Variants in MAGI2 observed in about 807,000 individuals in gnomAD.
The protein encoded by MAGI2 is membrane-associated guanylate kinase, WW and PDZ domain-containing protein 2.
MAGI2 carries 35 observed loss-of-function variants against 133.3 expected under a neutral mutation model. The observed-to-expected ratio is 0.26, with a 90% CI of 0.20 to 0.35. The LOEUF (loss-of-function observed/expected upper bound fraction) is 0.35. MAGI2 is among the 10% of genes least tolerant of loss of function. The probability of loss-of-function intolerance (pLI) is 1.00; values close to 1 mark genes in which losing one functional copy is unlikely to be tolerated. For missense variants in MAGI2, 1,636 were observed against 1,863.4 expected (o/e 0.88, Z 2.25); for synonymous variants, 729 against 710.6 (o/e 1.03, Z -0.41).
chr7:78,236,467 G>A lies in MAGI2; in HGVS notation c.2047+19476C>T, dbSNP rs748087957. Among the ~76,000 whole-genome samples, 7 of 152,184 alleles carry A rather than the reference G, an allele frequency of 4.6e-5. No homozygotes were observed. In the East Asian group the frequency reaches 5.8e-4, roughly 13 times the overall value. On this transcript the variant is annotated intron_variant, in intron 10 of 21. Transcript: ENST00000354212. Reference sequence around the variant, plus strand: ...ATAAAATAATTCAACAAATATGCACGCCAAGCTCGAGGAAAAAACTGGTAT... The same window carrying A: ...ATAAAATAATTCAACAAATATGCACACCAAGCTCGAGGAAAAAACTGGTAT...
chr7:78,991,317 TACACACACACAC>T (rs148776305), intron 2 of MAGI2, among the ~76,000 whole-genome samples: 1 of 132,112 alleles, frequency 7.6e-6, no homozygotes, highest in African/African-American at 2.8e-5. Flanking sequence ...GACACACACA[TACACACACACAC>T]ACACACACAC....
intron 20 of MAGI2, among the ~76,000 whole-genome samples, chr7:78,119,285 G>C (rs28880428): frequency 0.86 from 130,357 of 152,144 alleles, 56,258 homozygotes; most frequent in African/African-American, 0.91. Flanking sequence ...ACCGGCCGGG[G>C]GCAGTGGCTC....
In MAGI2 at chr7:78,550,966, T is replaced by TA. The variant is rs1272067357; in HGVS notation, c.539-29322dup. Among the ~76,000 whole-genome samples the TA allele has an allele frequency of 3.3e-5, 5 of 152,314 alleles. No individual in the cohort carries two copies. The East Asian group carries it at 9.6e-4, about 29-fold the overall frequency. On this transcript the variant is annotated intron_variant, in intron 3 of 21. Coordinates refer to ENST00000354212, the MANE Select transcript of MAGI2 (RefSeq NM_012301.4). ...GATTTTTTTATTATATGGATCCTTG[T>TA]AAGCCATCTTAAGTCATTTCAGACT...
At chr7:79,010,814 G>T (rs551411156) in intron 1 of MAGI2, 2 of 152,120 alleles carry the variant, frequency 1.3e-5, no homozygotes, top group African/African-American at 4.8e-5. Flanking sequence ...AAATAAGACT[G>T]TAGACAAGTA....
At chr7:79,135,997 A>AAGACAGAGAGAG (rs1156269913) in intron 1 of MAGI2, among the ~76,000 whole-genome samples, 1 of 47,226 alleles carries the variant, frequency 2.1e-5, no homozygotes, top group African/African-American at 5.6e-5. Context: ...GAAAGAAAGA[A>AAGACAGAGAGAG]AGAAAGAGAA....
intron 1 of MAGI2, among the ~76,000 whole-genome samples, chr7:79,323,596 G>A (rs1300555137): frequency 6.6e-6 from 1 of 152,170 alleles, no homozygotes; most frequent in East Asian, 1.9e-4. Context: ...GAGCCGCATG[G>A]CAGAAATTAA....
At chr7:78,856,676 C>G (rs1431160853) in intron 2 of MAGI2, among the ~76,000 whole-genome samples, 1 of 152,166 alleles carries the variant, frequency 6.6e-6, no homozygotes, top group Non-Finnish European at 1.5e-5. Flanking sequence ...AGTTTGAATT[C>G]AGGTAGCATG....
intron 10 of MAGI2, among the ~76,000 whole-genome samples, chr7:78,241,576 T>C (rs1791141934): frequency 2.0e-5 from 3 of 152,164 alleles, no homozygotes; most frequent in South Asian, 2.1e-4. Flanking sequence ...TTAATACATA[T>C]ACCAGTGGCT....
At chr7:78,023,106 AG>A (rs1220006213) in intron 21 of MAGI2, among the ~76,000 whole-genome samples, 4 of 151,838 alleles carry the variant, frequency 2.6e-5, no homozygotes, top group African/African-American at 9.7e-5. Flanking sequence ...GAGCCTGCAA[AG>A]CTCCAGGCAC....
chr7:78,654,696 CATATATGTATAT>C (rs1811942763), intron 2 of MAGI2, among the ~76,000 whole-genome samples: 2 of 78,902 alleles, frequency 2.5e-5, no homozygotes, highest in African/African-American at 1.1e-4. Flanking sequence ...TGTACTTTTA[CATATATGTATAT>C]ATATATATAT....
chr7:78,067,897 G>A (rs558134834), intron 21 of MAGI2, among the ~76,000 whole-genome samples: 14 of 152,244 alleles, frequency 9.2e-5, no homozygotes, highest in Admixed American at 2.6e-4. Context: ...ATAATAAGAC[G>A]GTTATTGGTT....
intron 20 of MAGI2, among the ~76,000 whole-genome samples, chr7:78,102,245 G>A (rs1006579855): frequency 6.6e-6 from 1 of 152,180 alleles, no homozygotes; most frequent in African/African-American, 2.4e-5. Flanking sequence ...CAAACTTGCA[G>A]TTACAAGATG....
rs5885064 is a variant in MAGI2, at chr7:78,458,639, G to GT, written c.1045+31121dup. Among the ~76,000 whole-genome samples the GT allele has an allele frequency of 3.9e-3, 566 of 146,344 alleles. 5 individuals carry two copies. The highest frequency in any genetic ancestry group is 0.015 in the Admixed American group (229 of 14,776). On this transcript the variant is annotated intron_variant, in intron 6 of 21. Transcript: ENST00000354212. Reference sequence around the variant, plus strand: ...TTTGCTGCAATCTGTTTTTTGTTAGGTTTTTTTTTTTTTGAGACAGAGTCT... The same window carrying GT: ...TTTGCTGCAATCTGTTTTTTGTTAGGTTTTTTTTTTTTTTGAGACAGAGTCT...
At chr7:78,065,281 T>C (rs1813699331) in intron 21 of MAGI2, among the ~76,000 whole-genome samples, 1 of 152,190 alleles carries the variant, frequency 6.6e-6, no homozygotes, top group African/African-American at 2.4e-5. Context: ...GAGGATGCTC[T>C]GAAATATGTG....
At chr7:78,507,176 C>G (rs535079746) in intron 4 of MAGI2, among the ~76,000 whole-genome samples, 1 of 152,184 alleles carries the variant, frequency 6.6e-6, no homozygotes, top group South Asian at 2.1e-4. Flanking sequence ...ATAAGTAGCA[C>G]CTACCTCTCC....
chr7:78,370,650 A>G (rs1793827344), intron 6 of MAGI2, among the ~76,000 whole-genome samples: 2 of 151,944 alleles, frequency 1.3e-5, no homozygotes, highest in Admixed American at 1.3e-4. Flanking sequence ...CTGAGAGTGT[A>G]TGAGTGATTT....
intron 9 of MAGI2, among the ~76,000 whole-genome samples, chr7:78,275,834 G>A (rs1324503202): frequency 6.6e-6 from 1 of 152,078 alleles, no homozygotes; most frequent in Non-Finnish European, 1.5e-5. Context: ...GGAGAGAGCA[G>A]TTAGCCCTTT....
chr7:78,568,940 G>A (rs1563181716), intron 3 of MAGI2, among the ~76,000 whole-genome samples: 1 of 151,994 alleles, frequency 6.6e-6, no homozygotes, highest in Non-Finnish European at 1.5e-5. Context: ...TGACCGTTCT[G>A]CACATGCTCT....
chr7:78,355,482 G>T (rs552505604), intron 7 of MAGI2, among the ~76,000 whole-genome samples: 1 of 152,180 alleles, frequency 6.6e-6, no homozygotes, highest in Non-Finnish European at 1.5e-5. Flanking sequence ...AATATTCACC[G>T]AGCGAATACT....
Sources: gnomAD v4.1 joint callset for allele counts (sites outside exome capture counted in the v4.1 genomes callset) on GRCh38, gnomAD v4.1.1 for gene constraint, MANE v1.5 for transcripts, NCBI Gene and HGNC (gene_info 2026-07-23, HGNC 2026-07-21) for gene names.